The following SH3RF1 variants were observed in gnomAD, a reference collection of about 807,000 sequenced individuals.
SH3RF1 encodes the protein E3 ubiquitin-protein ligase SH3RF1.
SH3RF1 carries 32 observed loss-of-function variants against 74.0 expected under a neutral mutation model. That is an observed-to-expected ratio of 0.43 (90% CI 0.33 to 0.58). The LOEUF is 0.58. Ranked by LOEUF, SH3RF1 falls within the 20% of genes least tolerant of loss-of-function variation. SH3RF1 has a pLI of 0.05. For missense variants in SH3RF1, 954 were observed against 1,130.9 expected, an observed-to-expected ratio of 0.84 and a Z score of 2.24; for synonymous variants, 396 against 439.6, an observed-to-expected ratio of 0.90 and a Z score of 1.24.
intron 2 of SH3RF1, among the ~76,000 whole-genome samples, chr4:169,239,544 T>C (rs1280643406): frequency 6.6e-6 from 1 of 152,202 alleles, no homozygotes; most frequent in Non-Finnish European, 1.5e-5. Context: ...AGTTAACTTC[T>C]GAAGAAATAA....
At chr4:169,111,607 A>G (rs1040379462) in intron 10 of SH3RF1, among the ~76,000 whole-genome samples, 2 of 152,024 alleles carry the variant, frequency 1.3e-5, no homozygotes, top group African/African-American at 2.4e-5. Flanking sequence ...ACATATATAC[A>G]TATACATAAG....
chr4:169,181,645 C>T (rs138377935), intron 2 of SH3RF1, among the ~76,000 whole-genome samples: 6 of 152,166 alleles, frequency 3.9e-5, no homozygotes, highest in African/African-American at 1.4e-4. Flanking sequence ...ATGATGATAC[C>T]TGAGTGTGTA....
intron 2 of SH3RF1, among the ~76,000 whole-genome samples, chr4:169,162,393 A>C (rs1049102970): frequency 1.2e-4 from 18 of 152,228 alleles, no homozygotes; most frequent in African/African-American, 4.1e-4. Flanking sequence ...CAAGACGAAT[A>C]TTAAAGGTTT....
chr4:169,265,106 C>T (rs1464438872), intron 2 of SH3RF1, among the ~76,000 whole-genome samples: 1 of 152,100 alleles, frequency 6.6e-6, no homozygotes, highest in East Asian at 1.9e-4. Flanking sequence ...TAATTACATG[C>T]CTGCATTGTT....
intron 2 of SH3RF1, among the ~76,000 whole-genome samples, chr4:169,163,298 C>T (rs1734181365): frequency 6.6e-6 from 1 of 151,724 alleles, no homozygotes; most frequent in African/African-American, 2.4e-5. Context: ...CTATTAGACT[C>T]TTCATTAAAT....
At chr4:169,128,213 G>A (rs1733557578) in intron 6 of SH3RF1, among the ~76,000 whole-genome samples, 1 of 152,214 alleles carries the variant, frequency 6.6e-6, no homozygotes, top group African/African-American at 2.4e-5. Flanking sequence ...GAGTGGGAAG[G>A]AAAGGAGAGA....
intron 2 of SH3RF1, among the ~76,000 whole-genome samples, chr4:169,206,851 G>C (rs982847789): frequency 7.2e-5 from 11 of 152,180 alleles, no homozygotes; most frequent in Admixed American, 7.2e-4. Context: ...TAAAAAGAAA[G>C]AGGCCAGGTT....
chr4:169,174,511 C>G (rs1734384683), intron 2 of SH3RF1, among the ~76,000 whole-genome samples: 1 of 152,140 alleles, frequency 6.6e-6, no homozygotes, highest in African/African-American at 2.4e-5. Context: ...GCCCAGGGAG[C>G]CACACTTTGA....
At chr4:169,147,645 A>G (rs1733915300) in intron 4 of SH3RF1, among the ~76,000 whole-genome samples, 4 of 152,236 alleles carry the variant, frequency 2.6e-5, no homozygotes, top group Admixed American at 2.6e-4. Context: ...TAGGTACATT[A>G]TCACTAAACT....
chr4:169,201,971 G>A (rs991919533), intron 2 of SH3RF1: 1 of 152,160 alleles, frequency 6.6e-6, no homozygotes, highest in Admixed American at 6.5e-5. Context: ...AGCTATGAGA[G>A]AGGAGTCTTT....
At chr4:169,121,267 A>C (rs962544635) in intron 7 of SH3RF1, among the ~76,000 whole-genome samples, 1 of 152,254 alleles carries the variant, frequency 6.6e-6, no homozygotes, top group Non-Finnish European at 1.5e-5. Context: ...TGAAAGAATT[A>C]ATGCAGTTTC....
chr4:169,217,605 G>A (rs1730488428), intron 2 of SH3RF1, among the ~76,000 whole-genome samples: 1 of 152,274 alleles, frequency 6.6e-6, no homozygotes, highest in South Asian at 2.1e-4. Context: ...TAAACCAGGG[G>A]TTCTGGACAA....
Position 169,096,641 on chromosome 4 carries a change from C to T in SH3RF1, c.2545G>A (p.Glu849Lys). 6.2e-7 allele frequency: 1 copy of T among 1,614,104 alleles called. No individual in the cohort carries two copies. The highest frequency in any genetic ancestry group is 8.5e-7 in the Non-Finnish European group (1 of 1,180,004). Residue 849 changes from glutamate to lysine, a missense_variant, in exon 12 of 12, where the codon GAA becomes AAA. By Grantham distance (56) the Glu-to-Lys change is moderately conservative. Transcript: ENST00000284637. ...AACACAATATCTCCTTCTTTAAGTT[C>T]AAGTTCTGCCTCACTCTGAGGAGGA... ...SYPPQSEAEL[E>K]LKEGDIVFVH...
intron 2 of SH3RF1, among the ~76,000 whole-genome samples, chr4:169,212,602 C>T (rs1378193649): frequency 6.6e-6 from 1 of 152,036 alleles, no homozygotes; most frequent in Non-Finnish European, 1.5e-5. Flanking sequence ...ACAGAGAGTT[C>T]CCATATACTC....
At chr4:169,183,010 G>A (rs939649670) in intron 2 of SH3RF1, among the ~76,000 whole-genome samples, 1 of 152,136 alleles carries the variant, frequency 6.6e-6, no homozygotes, top group African/African-American at 2.4e-5. Flanking sequence ...AGCAGGGCAG[G>A]GAGTTGGGGC....
chr4:169,266,000 G>T (rs1256117047), intron 2 of SH3RF1, among the ~76,000 whole-genome samples: 2 of 152,114 alleles, frequency 1.3e-5, no homozygotes, highest in East Asian at 3.8e-4. Context: ...GGTATCAGCA[G>T]TGTCCCTCTC....
intron 7 of SH3RF1, 96 bp from the exon 8 acceptor site, chr4:169,121,085 T>C (rs1733429292): frequency 4.1e-6 from 4 of 976,602 alleles, no homozygotes; most frequent in South Asian, 1.4e-5. Flanking sequence ...GAACATTTTG[T>C]ACAAATGTAA....
chr4:169,226,126 T>C (rs942517711), intron 2 of SH3RF1, among the ~76,000 whole-genome samples: 1 of 152,212 alleles, frequency 6.6e-6, no homozygotes, highest in Non-Finnish European at 1.5e-5. Context: ...AACCAAATGT[T>C]GTGACTCATA....
chr4:169,197,748 T>A (rs533121164), intron 2 of SH3RF1, among the ~76,000 whole-genome samples: 26 of 152,256 alleles, frequency 1.7e-4, no homozygotes, highest in African/African-American at 5.5e-4. Flanking sequence ...CACTTTTTTT[T>A]ATAAAATCAC....
Sources: allele counts gnomAD v4.1 joint callset (sites outside exome capture counted in the v4.1 genomes callset), GRCh38; gene constraint gnomAD v4.1.1; transcripts MANE v1.5; gene names NCBI Gene and HGNC (gene_info 2026-07-23, HGNC 2026-07-21).